Variants in CCDC7 observed in about 807,000 individuals in gnomAD.
The protein encoded by CCDC7 is coiled-coil domain containing 7.
A neutral mutation model predicts 196.9 loss-of-function variants in CCDC7; 183 were observed. The ratio of observed to expected loss-of-function variants is 0.93; its 90% confidence interval spans 0.82 to 1.05. The LOEUF (loss-of-function observed/expected upper bound fraction) is 1.05, where lower values mean the gene tolerates loss of function less well. Among genes scored for constraint, CCDC7 ranks in the 50% least tolerant of loss-of-function variants. CCDC7 has a pLI of 0.00. For synonymous variants in CCDC7, 525 were observed against 484.6 expected, an observed-to-expected ratio of 1.08 and a Z score of -1.10; for missense variants, 1,540 against 1,482.2, an observed-to-expected ratio of 1.04 and a Z score of -0.64.
At chr10:32,459,179 T>C (rs1277063907) in intron 3 of CCDC7, among the ~76,000 whole-genome samples, 1 of 152,138 alleles carries the variant, frequency 6.6e-6, no homozygotes, top group African/African-American at 2.4e-5. Flanking sequence ...TCTAAGAAGT[T>C]TTTGGGTGGA....
At chr10:32,778,266 A>G (rs1270120989) in intron 28 of CCDC7, among the ~76,000 whole-genome samples, 1 of 152,214 alleles carries the variant, frequency 6.6e-6, no homozygotes, top group African/African-American at 2.4e-5. Flanking sequence ...GCCAAGGCTG[A>G]TATTGAGAAG....
Position 32,726,291 on chromosome 10 carries a change from T to C in CCDC7, c.2570-443T>C, listed in dbSNP as rs539973730. ...ATTATATATAGTGATATGTAGAGTA[T>C]TTATATCATATCATAATTTATAGTA... On this transcript the variant is annotated intron_variant, in intron 25 of 41. Transcript: ENST00000639629. 2.6e-5 allele frequency among the ~76,000 whole-genome samples: 4 copies of C among 151,896 alleles called. No individual in the cohort carries two copies. The South Asian group carries it at 8.3e-4, about 32-fold the overall frequency.
At chr10:32,847,708 C>A in intron 37 of CCDC7, 125 bp from the exon 39 acceptor site, 1 of 610,574 alleles carries the variant, frequency 1.6e-6, no homozygotes, top group Non-Finnish European at 2.8e-6. Context: ...GAACAAGATC[C>A]TGTCTCTAAA....
chr10:32,665,836 G>T (rs188652586), intron 21 of CCDC7, among the ~76,000 whole-genome samples: 1 of 151,966 alleles, frequency 6.6e-6, no homozygotes, highest in East Asian at 1.9e-4. Context: ...AGGAACATGG[G>T]ATATCTTTTT....
intron 9 of CCDC7, among the ~76,000 whole-genome samples, chr10:32,499,828 G>A (rs2043603278): frequency 6.7e-6 from 1 of 148,358 alleles, no homozygotes; most frequent in Non-Finnish European, 1.5e-5. Flanking sequence ...CTGCCTTCAA[G>A]CATCTGTTTA....
intron 33 of CCDC7, among the ~76,000 whole-genome samples, chr10:32,841,244 G>GAAGC: frequency 6.6e-6 from 1 of 151,790 alleles, no homozygotes; most frequent in Non-Finnish European, 1.5e-5. Context: ...ATATACCTAG[G>GAAGC]AAGCACTAAA....
At chr10:32,849,788 C>T (rs931454902) in intron 39 of CCDC7, among the ~76,000 whole-genome samples, 5 of 150,116 alleles carry the variant, frequency 3.3e-5, no homozygotes, top group African/African-American at 9.8e-5. Flanking sequence ...AACTTGGTAA[C>T]TGAAAGTATT....
At chr10:32,677,459 C>G (rs2075199205) in intron 21 of CCDC7, among the ~76,000 whole-genome samples, 1 of 151,818 alleles carries the variant, frequency 6.6e-6, no homozygotes, top group Non-Finnish European at 1.5e-5. Flanking sequence ...GGAAAAGTAT[C>G]TATGCTTAAC....
chr10:32,653,224 C>T (rs112025471), intron 20 of CCDC7, among the ~76,000 whole-genome samples: 25 of 152,154 alleles, frequency 1.6e-4, no homozygotes, highest in African/African-American at 5.8e-4. Flanking sequence ...TCAGGTTCCT[C>T]TTGCTGGGGC....
chr10:32,563,332 G>A (rs967190787), intron 13 of CCDC7, among the ~76,000 whole-genome samples: 27 of 152,022 alleles, frequency 1.8e-4, no homozygotes, highest in African/African-American at 3.4e-4. Context: ...AAAAGAGCCC[G>A]CATTGCCAAG....
intron 21 of CCDC7, among the ~76,000 whole-genome samples, chr10:32,668,154 A>G (rs953956656): frequency 1.8e-4 from 28 of 152,070 alleles, no homozygotes; most frequent in African/African-American, 5.3e-4. Flanking sequence ...GTTCACTCAT[A>G]ATTTGGCTCT....
In CCDC7 at chr10:32,563,248, C is replaced by A. The variant is rs541465360; in HGVS notation, c.1135-2310C>A. On this transcript the variant is annotated intron_variant, in intron 13 of 41. Transcript: ENST00000639629. The stretch of plus-strand genomic sequence containing the variant: ...CCCAAGGTAATTTATAGATTCAATG[C>A]CATCCCCATCCAGCTACCAATGACT... 4.4e-3 allele frequency among the ~76,000 whole-genome samples: 670 copies of A among 152,182 alleles called. 3 individuals are homozygous for A. Among genetic ancestry groups the A allele is most frequent in the African/African-American group, 0.015 (621 of 41,492 alleles).
At chr10:32,445,784 A>G (rs985633215), upstream of CCDC7, among the ~76,000 whole-genome samples, 4 of 152,176 alleles carry the variant, frequency 2.6e-5, no homozygotes, top group African/African-American at 9.6e-5. Flanking sequence ...GAACTCCACA[A>G]TACACTGAAA....
chr10:32,729,637 G>T (rs374261182), intron 28 of CCDC7, among the ~76,000 whole-genome samples, 180 bp downstream of exon 29: 1 of 151,996 alleles, frequency 6.6e-6, no homozygotes, highest in African/African-American at 2.4e-5. Flanking sequence ...TGTCAAATCT[G>T]CCACTTTGTG....
At chr10:32,474,134 G>A in intron 8 of CCDC7, 111 bp downstream of exon 9, 8 of 1,000,814 alleles carry the variant, frequency 8.0e-6, no homozygotes, top group Non-Finnish European at 1.1e-5. Context: ...TTGGAGTTTG[G>A]AGCCATATAG....
chr10:32,582,151 C>G (rs1228276366), intron 16 of CCDC7, among the ~76,000 whole-genome samples: 1 of 80,478 alleles, frequency 1.2e-5, no homozygotes, highest in Admixed American at 1.2e-4. Flanking sequence ...CTTTTTTTTT[C>G]AGAGCTGTCC....
chr10:32,618,046 A>G (rs1266711784), intron 18 of CCDC7, among the ~76,000 whole-genome samples: 1 of 152,136 alleles, frequency 6.6e-6, no homozygotes, highest in East Asian at 1.9e-4. Context: ...TGATTTAACC[A>G]TAGCTACTTG....
chr10:32,621,693 A>C (rs999902722), intron 18 of CCDC7, among the ~76,000 whole-genome samples: 8 of 152,146 alleles, frequency 5.3e-5, no homozygotes, highest in African/African-American at 1.9e-4. Flanking sequence ...TAAGTCCTGG[A>C]ATCTGAAGGC....
chr10:32,711,734 A>C lies in CCDC7; in HGVS notation c.2569+4A>C. ...TCTGAAGGAGAAGGACGTAGCAGTAAGTATAATGATGATAGCTATTTTATA... is the reference window on the plus strand; with the variant it reads ...TCTGAAGGAGAAGGACGTAGCAGTACGTATAATGATGATAGCTATTTTATA... On this transcript the variant is annotated splice_donor_region_variant and intron_variant, in intron 25 of 41. Coordinates refer to ENST00000639629, the Ensembl canonical transcript of CCDC7. 6.7e-7 allele frequency: 1 copy of C among 1,497,368 alleles called. No homozygotes were observed. The highest frequency in any genetic ancestry group is 1.2e-5 in the South Asian group (1 of 80,020). The allele number at this position is 1,497,368 out of a possible 1,614,324, so 92.8% of individuals were successfully genotyped here.
Sources: allele counts gnomAD v4.1 joint callset (sites outside exome capture counted in the v4.1 genomes callset), GRCh38; gene constraint gnomAD v4.1.1; transcripts MANE v1.5; gene names NCBI Gene and HGNC (gene_info 2026-07-23, HGNC 2026-07-21).